Variants in CCDC50 observed in about 807,000 individuals in gnomAD.
CCDC50 encodes the protein coiled-coil domain containing 50.
Under a neutral mutation model 70.2 loss-of-function variants are expected in CCDC50, and 54 were observed. The ratio of observed to expected loss-of-function variants is 0.77; its 90% CI spans 0.62 to 0.96. The LOEUF (loss-of-function observed/expected upper bound fraction) is 0.96. Among genes scored for constraint, CCDC50 ranks in the 50% least tolerant of loss-of-function variants. The pLI is 0.00. For synonymous variants in CCDC50, 216 were observed against 198.8 expected (o/e 1.09, Z -0.73); for missense variants, 558 against 578.7 (o/e 0.96, Z 0.37).
intron 4 of CCDC50, among the ~76,000 whole-genome samples, chr3:191,365,436 CTG>C (rs930180465): frequency 6.6e-6 from 1 of 151,978 alleles, no homozygotes; most frequent in African/African-American, 2.4e-5. Context: ...AAAAATTTTC[CTG>C]TGTTTTAAGT....
rs965091 is a variant in CCDC50, at chr3:191,355,156, T to G, written c.50-1932T>G. Among the ~76,000 whole-genome samples the G allele has an allele frequency of 7.6e-3, 1,158 of 152,294 alleles. 52 individuals are homozygous for G. The East Asian group carries it at 0.12, about 16-fold the overall frequency. On this transcript the variant is annotated intron_variant, in intron 1 of 11. Coordinates refer to ENST00000392455, the MANE Select transcript of CCDC50 (RefSeq NM_178335.3). The stretch of plus-strand genomic sequence containing the variant: ...ATTGCCACCCATAATTTGAAAATCA[T>G]TAAGAGTAATCTTAAATTTGATCTA...
intron 1 of CCDC50, among the ~76,000 whole-genome samples, chr3:191,338,213 T>C (rs988571044): frequency 5.3e-5 from 8 of 152,240 alleles, no homozygotes; most frequent in Admixed American, 6.5e-5. Flanking sequence ...GAGTCCATGA[T>C]TGACTTTAAG....
chr3:191,384,372 C>T (rs879452732), intron 10 of CCDC50, among the ~76,000 whole-genome samples: 1 of 152,040 alleles, frequency 6.6e-6, no homozygotes, highest in African/African-American at 2.4e-5. Context: ...TATGTAGATA[C>T]CTTGCACAAC....
intron 10 of CCDC50, among the ~76,000 whole-genome samples, chr3:191,386,791 A>G (rs1362407181): frequency 3.3e-5 from 5 of 152,222 alleles, no homozygotes; most frequent in African/African-American, 1.2e-4. Flanking sequence ...GATCTCTATG[A>G]GGAGAACTGC....
chr3:191,391,873 T>TC lies in CCDC50; in HGVS notation c.*115dup. ...CCTGTGTTTGCATTCCTGGGATTTATCCTCAAGTGCATTTCTGACCATAAG... is the reference window on the plus strand; with the variant it reads ...CCTGTGTTTGCATTCCTGGGATTTATCCCTCAAGTGCATTTCTGACCATAAG... On this transcript the variant is annotated 3_prime_UTR_variant, in exon 12 of 12. Transcript: ENST00000392455. The TC allele has an allele frequency of 1.1e-6, 1 of 924,388 alleles. No individual in the cohort carries two copies. Among genetic ancestry groups the TC allele is most frequent in the Non-Finnish European group, 1.7e-6 (1 of 580,192 alleles). 57.3% of individuals were successfully genotyped at this position (924,388 alleles called of 1,614,324 possible). A position where few individuals can be genotyped will look rare whatever the true frequency, so the allele number is the denominator to read the frequency against.
rs1713876053 is a variant in CCDC50, at chr3:191,396,835, A to G, written c.*5075A>G. The G allele has an allele frequency of 2.0e-5, 3 of 152,338 alleles. No homozygotes were observed. The highest frequency in any genetic ancestry group is 4.1e-4 in the South Asian group (2 of 4,828). 9.4% of individuals were successfully genotyped at this position (152,338 alleles called of 1,614,324 possible). A position where few individuals can be genotyped will look rare whatever the true frequency, so the allele number is the denominator to read the frequency against. ...CACAGGCTAACACAATCGTGTAATCATGTTGAGTTGTAGAAATATATGGCC... is the reference window on the plus strand; with the variant it reads ...CACAGGCTAACACAATCGTGTAATCGTGTTGAGTTGTAGAAATATATGGCC... On this transcript the variant is annotated 3_prime_UTR_variant, in exon 12 of 12. Coordinates refer to ENST00000392455, the MANE Select transcript of CCDC50 (RefSeq NM_178335.3).
At chr3:191,335,164 G>C (rs1455081370) in intron 1 of CCDC50, among the ~76,000 whole-genome samples, 1 of 152,124 alleles carries the variant, frequency 6.6e-6, no homozygotes, top group African/African-American at 2.4e-5. Flanking sequence ...AAAAACATGT[G>C]AGTTTCATTC....
In CCDC50 at chr3:191,329,585, C is replaced by G. The variant is rs1030080788; in HGVS notation, c.-90C>G. 1.4e-5 allele frequency: 19 copies of G among 1,388,746 alleles called. No individual in the cohort carries two copies. Among genetic ancestry groups the G allele is most frequent in the Non-Finnish European group, 1.9e-5 (19 of 1,017,824 alleles). 86.0% of individuals were successfully genotyped at this position (1,388,746 alleles called of 1,614,324 possible). ...CTGCCGGCCGGACTTTGCGCCGCGT[C>G]CGGCGCTGCTGCTGCGCTCGGGGCC... On this transcript the variant is annotated 5_prime_UTR_variant, in exon 1 of 12. Transcript: ENST00000392455.
intron 6 of CCDC50, among the ~76,000 whole-genome samples, chr3:191,378,801 C>A (rs1162977636): frequency 6.6e-6 from 1 of 151,844 alleles, no homozygotes; most frequent in South Asian, 2.1e-4. Flanking sequence ...AAGCCCAGCC[C>A]AGCATAAGAC....
chr3:191,385,007 T>C (rs1329057303), intron 10 of CCDC50, among the ~76,000 whole-genome samples: 1 of 152,220 alleles, frequency 6.6e-6, no homozygotes, highest in African/African-American at 2.4e-5. Flanking sequence ...TCATTCTTTT[T>C]TGTGGCTGTG....
At chr3:191,355,704 G>C (rs1850960) in intron 1 of CCDC50, among the ~76,000 whole-genome samples, 52,016 of 151,848 alleles carry the variant, frequency 0.34, 10,762 homozygotes, top group East Asian at 0.67. Flanking sequence ...CAAGATATTA[G>C]AATCGGTTGA....
At chr3:191,358,307 A>G (rs948608906) in intron 3 of CCDC50, among the ~76,000 whole-genome samples, 183 bp downstream of exon 3, 1 of 152,172 alleles carries the variant, frequency 6.6e-6, no homozygotes, top group Non-Finnish European at 1.5e-5. Context: ...TTGTTGGAGC[A>G]CTTGACCAGG....
intron 10 of CCDC50, among the ~76,000 whole-genome samples, chr3:191,383,072 C>A (rs1713373865): frequency 6.6e-6 from 1 of 152,116 alleles, no homozygotes; most frequent in South Asian, 2.1e-4. Context: ...TTTGTTAGGA[C>A]TGATTCTTAC....
At chr3:191,343,255 G>A (rs1229902609) in intron 1 of CCDC50, among the ~76,000 whole-genome samples, 4 of 152,172 alleles carry the variant, frequency 2.6e-5, no homozygotes, top group Non-Finnish European at 5.9e-5. Context: ...TTACAGGGGC[G>A]TAAACATAAG....
chr3:191,367,580 A>G (rs1021450420), intron 4 of CCDC50, among the ~76,000 whole-genome samples: 3 of 152,192 alleles, frequency 2.0e-5, no homozygotes, highest in African/African-American at 4.8e-5. Flanking sequence ...CTTTATCTGT[A>G]CAATGGAAAG....
At chr3:191,343,058 A>C (rs2108636979) in intron 1 of CCDC50, among the ~76,000 whole-genome samples, 1 of 144,240 alleles carries the variant, frequency 6.9e-6, no homozygotes, top group East Asian at 2.1e-4. Flanking sequence ...TAGATCAGAA[A>C]TAACAGTGCT....
At chr3:191,376,067 T>C (rs1026741642) in intron 6 of CCDC50, among the ~76,000 whole-genome samples, 1 of 152,168 alleles carries the variant, frequency 6.6e-6, no homozygotes, top group African/African-American at 2.4e-5. Context: ...AGGAGTTGGA[T>C]AGGCAGTCTT....
intron 6 of CCDC50, among the ~76,000 whole-genome samples, chr3:191,375,849 A>G (rs1713095142): frequency 6.6e-6 from 1 of 152,156 alleles, no homozygotes; most frequent in African/African-American, 2.4e-5. Flanking sequence ...GTTGTATTAG[A>G]GGTACCCATT....
rs182590270 is a variant in CCDC50, at chr3:191,348,493, G to A, written c.50-8595G>A. On this transcript the variant is annotated intron_variant, in intron 1 of 11. Transcript: ENST00000392455. ...AAAGAAATTGCAAAAATTCTGTGTCGACTTTGTGGACAGTCTAGTAGTGGG... is the reference window on the plus strand; with the variant it reads ...AAAGAAATTGCAAAAATTCTGTGTCAACTTTGTGGACAGTCTAGTAGTGGG... 4.2e-5 allele frequency among the ~76,000 whole-genome samples: 6 copies of A among 142,286 alleles called. No homozygotes were observed. In the East Asian group the frequency reaches 7.7e-4, roughly 18 times the overall value. The allele number at this position is 142,286 out of a possible 152,430, so 93.3% of individuals were successfully genotyped here.
Sources: allele counts gnomAD v4.1 joint callset (sites outside exome capture counted in the v4.1 genomes callset), GRCh38; gene constraint gnomAD v4.1.1; transcripts MANE v1.5; gene names NCBI Gene and HGNC (gene_info 2026-07-23, HGNC 2026-07-21).